Variants in TFAP2D observed in about 807,000 individuals in gnomAD.
TFAP2D encodes the protein transcription factor AP-2-delta.
Under a neutral mutation model 43.6 loss-of-function variants are expected in TFAP2D, and 9 were observed. That is an observed-to-expected ratio of 0.21 (90% CI 0.12 to 0.36). TFAP2D has a LOEUF of 0.36. Among genes scored for constraint, TFAP2D ranks in the 10% least tolerant of loss-of-function variants. The pLI, the probability that TFAP2D is intolerant of heterozygous loss-of-function variation, is 1.00. For synonymous variants in TFAP2D, 256 were observed against 224.9 expected (o/e 1.14, Z -1.24); for missense variants, 513 against 561.4 (o/e 0.91, Z 0.87).
At chr6:50,736,639 A>T (rs1486411176) in intron 5 of TFAP2D, among the ~76,000 whole-genome samples, 2 of 152,118 alleles carry the variant, frequency 1.3e-5, no homozygotes, top group African/African-American at 2.4e-5. Flanking sequence ...TTAAGATTTC[A>T]TTCATTTCTG....
chr6:50,713,918 A>G lies in TFAP2D; in HGVS notation c.-138A>G. On this transcript the variant is annotated 5_prime_UTR_variant, in exon 1 of 8. Transcript: ENST00000008391. ...GGAGCTATCTGATCCGGGCAAAACC[A>G]TTACAATTTAGATATCTACCTATAG... 1 of 1,338,764 alleles carries G rather than the reference A, an allele frequency of 7.5e-7. No individual in the cohort carries two copies. The highest frequency in any genetic ancestry group is 1.1e-6 in the Non-Finnish European group (1 of 947,874). The allele number at this position is 1,338,764 out of a possible 1,614,324, so 82.9% of individuals were successfully genotyped here.
At chr6:50,719,177 C>A (rs375294629) in intron 3 of TFAP2D, 27 bp downstream of exon 3, 31 of 1,606,258 alleles carry the variant, frequency 1.9e-5, no homozygotes, top group Non-Finnish European at 2.6e-5. Flanking sequence ...AACATGTTAA[C>A]CCTAGACATT....
At chr6:50,745,998 C>A (rs1300475967) in intron 6 of TFAP2D, among the ~76,000 whole-genome samples, 1 of 152,036 alleles carries the variant, frequency 6.6e-6, no homozygotes, top group African/African-American at 2.4e-5. Context: ...GTGTAAAAAT[C>A]CAGCAGAACC....
chr6:50,717,150 G>C (rs1347648085), intron 2 of TFAP2D, among the ~76,000 whole-genome samples: 1 of 152,044 alleles, frequency 6.6e-6, no homozygotes, highest in Non-Finnish European at 1.5e-5. Flanking sequence ...TGATTTTTTT[G>C]TATCTGTACA....
At chr6:50,725,624 A>G (rs1194846192) in intron 3 of TFAP2D, among the ~76,000 whole-genome samples, 1 of 152,216 alleles carries the variant, frequency 6.6e-6, no homozygotes, top group Non-Finnish European at 1.5e-5. Flanking sequence ...ACTGGGGATG[A>G]CTACTGTAAA....
chr6:50,751,398 A>G, intron 7 of TFAP2D, 74 bp downstream of exon 7: 1 of 1,012,488 alleles, frequency 9.9e-7, no homozygotes, highest in Non-Finnish European at 1.6e-6. Flanking sequence ...AGTTCTATTT[A>G]GAGATACCAC....
chr6:50,758,404 T>C (rs1769319689), intron 7 of TFAP2D, among the ~76,000 whole-genome samples: 2 of 151,986 alleles, frequency 1.3e-5, no homozygotes, highest in Admixed American at 1.3e-4. Flanking sequence ...ATGCCTTCCT[T>C]CCATTTCCCA....
At chr6:50,725,612 A>G (rs1374587824) in intron 3 of TFAP2D, among the ~76,000 whole-genome samples, 1 of 152,218 alleles carries the variant, frequency 6.6e-6, no homozygotes, top group East Asian at 1.9e-4. Context: ...TCAAGTAGTA[A>G]CACTGGGGAT....
At chr6:50,729,852 A>T (rs1279928987) in intron 5 of TFAP2D, among the ~76,000 whole-genome samples, 2 of 152,158 alleles carry the variant, frequency 1.3e-5, no homozygotes, top group African/African-American at 2.4e-5. Context: ...GTTAAGGTTA[A>T]CCAGTAGTAT....
chr6:50,723,212 C>T (rs891329304), intron 3 of TFAP2D, among the ~76,000 whole-genome samples: 1 of 152,190 alleles, frequency 6.6e-6, no homozygotes, highest in Non-Finnish European at 1.5e-5. Context: ...TGAAATGGAA[C>T]CTTAGCTTCA....
intron 5 of TFAP2D, among the ~76,000 whole-genome samples, chr6:50,744,401 G>C (rs1474880288): frequency 6.6e-6 from 1 of 151,318 alleles, no homozygotes; most frequent in Non-Finnish European, 1.5e-5. Context: ...AGTGTTCCAT[G>C]GTATATATGT....
At chr6:50,715,811 G>A (rs947218163) in intron 2 of TFAP2D, among the ~76,000 whole-genome samples, 198 bp downstream of exon 2, 4 of 151,630 alleles carry the variant, frequency 2.6e-5, no homozygotes, top group African/African-American at 9.7e-5. Context: ...AACAATTAGA[G>A]GAGGAGTGTG....
intron 3 of TFAP2D, among the ~76,000 whole-genome samples, chr6:50,721,861 A>G (rs1432675882): frequency 6.6e-6 from 1 of 152,200 alleles, no homozygotes; most frequent in Non-Finnish European, 1.5e-5. Context: ...GGGAGGGAAA[A>G]AAATAGATTC....
chr6:50,720,892 C>G (rs1768712464), intron 3 of TFAP2D, among the ~76,000 whole-genome samples: 1 of 152,192 alleles, frequency 6.6e-6, no homozygotes, highest in Admixed American at 6.5e-5. Flanking sequence ...CACACTTGAC[C>G]AAGATCACCT....
At chr6:50,767,549 T>C (rs2113895474) in intron 7 of TFAP2D, among the ~76,000 whole-genome samples, 1 of 152,318 alleles carries the variant, frequency 6.6e-6, no homozygotes. Context: ...AGGAATTTTA[T>C]TTAAGTCCTC....
At chr6:50,751,992 G>GT (rs1183862385) in intron 7 of TFAP2D, among the ~76,000 whole-genome samples, 1 of 151,904 alleles carries the variant, frequency 6.6e-6, no homozygotes, top group Non-Finnish European at 1.5e-5. Context: ...CTTTTAAATT[G>GT]TTTTTTATCT....
intron 7 of TFAP2D, among the ~76,000 whole-genome samples, chr6:50,756,711 T>A (rs1769270277): frequency 6.6e-6 from 1 of 151,956 alleles, no homozygotes; most frequent in Non-Finnish European, 1.5e-5. Context: ...CAGTGTGTAT[T>A]GTTGTAGAGA....
intron 5 of TFAP2D, among the ~76,000 whole-genome samples, chr6:50,734,599 A>C (rs1312561237): frequency 6.6e-6 from 1 of 152,104 alleles, no homozygotes; most frequent in Admixed American, 6.6e-5. Flanking sequence ...GCTCACAGAT[A>C]AGGAAAGGCA....
intron 5 of TFAP2D, among the ~76,000 whole-genome samples, chr6:50,740,933 C>T (rs574786792): frequency 8.3e-4 from 127 of 152,132 alleles, no homozygotes; most frequent in African/African-American, 2.6e-3. Flanking sequence ...TAAATTTTTC[C>T]TAATATTTCT....
Sources: allele counts gnomAD v4.1 joint callset (sites outside exome capture counted in the v4.1 genomes callset), GRCh38; gene constraint gnomAD v4.1.1; transcripts MANE v1.5; gene names NCBI Gene and HGNC (gene_info 2026-07-23, HGNC 2026-07-21).